The following IL19 variants were observed in gnomAD, a reference collection of about 807,000 sequenced individuals.
The protein encoded by IL19 is interleukin-19.
IL19 carries 15 observed loss-of-function variants against 19.5 expected under a neutral mutation model. The observed-to-expected ratio is 0.77, with a 90% CI of 0.52 to 1.19. The LOEUF is 1.19. Among genes scored for constraint, IL19 ranks in the 50% most tolerant of loss-of-function variants. IL19 has a pLI of 0.00. For missense variants in IL19, 199 were observed against 213.1 expected (o/e 0.93, Z 0.41); for synonymous variants, 78 against 78.3 (o/e 1.00, Z 0.02).
intron 2 of IL19, among the ~76,000 whole-genome samples, chr1:206,812,513 G>T (rs1459270096): frequency 6.6e-6 from 1 of 152,296 alleles, no homozygotes; most frequent in East Asian, 1.9e-4. Flanking sequence ...GCCACTCCAT[G>T]GGCCCAAAGA....
rs536786210 is a variant in IL19 at position 206,792,730 on chromosome 1, C to T, written c.-148-6131C>T. On this transcript the variant is annotated intron_variant, in intron 1 of 6. Transcript: ENST00000659997. ...TCAGCCTCCTAAAGTGCTGGGATTA[C>T]GGAAGTGAGCCACTATGCCTGGCTA... Among the ~76,000 whole-genome samples, 25 of 152,294 alleles carry T rather than the reference C, an allele frequency of 1.6e-4. No homozygotes were observed. The South Asian group carries it at 2.1e-3, about 13-fold the overall frequency.
At position 206,842,618 on chromosome 1, in the gene IL19, C is replaced by T. The variant is rs1260992687; in HGVS notation, c.530C>T (p.Ala177Val). Reference protein sequence around the residue: ...INKNHEVMFSA With the variant: ...INKNHEVMFSV ...AAGAATCATGAAGTAATGTTCTCAG[C>T]TTGATGACAAGGAACCTGTATAGTG... The change falls in exon 7 of 7, where the codon GCT (alanine) becomes GTT (valine). Residue 177 changes from alanine (A) to valine (V), a missense_variant. By Grantham distance (64) the Ala-to-Val change is moderately conservative (BLOSUM62 0). Transcript: ENST00000659997. 2.0e-6 allele frequency: 3 copies of T among 1,533,508 alleles called. No individual in the cohort carries two copies. Among genetic ancestry groups the T allele is most frequent in the Non-Finnish European group, 1.8e-6 (2 of 1,125,154 alleles). The allele number at this position is 1,533,508 out of a possible 1,614,324, so 95.0% of individuals were successfully genotyped here. A position where few individuals can be genotyped will look rare whatever the true frequency, so the allele number is the denominator to read the frequency against.
At chr1:206,781,954 TACA>T (rs1675151531) in intron 1 of IL19, among the ~76,000 whole-genome samples, 1 of 86,766 alleles carries the variant, frequency 1.2e-5, no homozygotes, top group Admixed American at 1.5e-4. Context: ...TAGTTATATA[TACA>T]TATATATGTA....
In IL19 at chr1:206,774,764, A is replaced by G. The variant is rs373611644; in HGVS notation, c.-149+3686A>G. ...ACTTAGCACCAAGTCTGGCCCTTGG[A>G]AGGTATCAGCTATACTTGGGATGGG... On this transcript the variant is annotated intron_variant, in intron 1 of 6. Transcript: ENST00000659997. Among the ~76,000 whole-genome samples the G allele has an allele frequency of 1.1e-4, 17 of 152,228 alleles. No individual in the cohort carries two copies. In the East Asian group the frequency reaches 2.5e-3, roughly 23 times the overall value.
At chr1:206,793,270 G>T (rs905098389) in intron 1 of IL19, among the ~76,000 whole-genome samples, 1 of 152,208 alleles carries the variant, frequency 6.6e-6, no homozygotes, top group South Asian at 2.1e-4. Context: ...GAGGACTTTG[G>T]GGGTAACAGT....
At chr1:206,779,317 G>A (rs113253352) in intron 1 of IL19, among the ~76,000 whole-genome samples, 11 of 152,144 alleles carry the variant, frequency 7.2e-5, no homozygotes, top group African/African-American at 2.4e-4. Flanking sequence ...TTACCCCCAC[G>A]TCCTCACCAC....
At chr1:206,798,140 T>C (rs1675570698) in intron 1 of IL19, among the ~76,000 whole-genome samples, 2 of 152,224 alleles carry the variant, frequency 1.3e-5, no homozygotes, top group African/African-American at 2.4e-5. Context: ...CTAGTTCCTC[T>C]TTTAATTTTT....
chr1:206,797,209 A>T (rs1675545956), intron 1 of IL19, among the ~76,000 whole-genome samples: 1 of 152,068 alleles, frequency 6.6e-6, no homozygotes, highest in Non-Finnish European at 1.5e-5. Flanking sequence ...TCATTGCCAA[A>T]CCTGTTCATT....
chr1:206,832,011 G>A (rs563853104), intron 2 of IL19, among the ~76,000 whole-genome samples: 8 of 152,360 alleles, frequency 5.3e-5, no homozygotes, highest in African/African-American at 1.9e-4. Flanking sequence ...GCTCTGAGCT[G>A]CTATTCTCAC....
chr1:206,788,431 A>G (rs914084025), intron 1 of IL19, among the ~76,000 whole-genome samples: 1 of 152,212 alleles, frequency 6.6e-6, no homozygotes, highest in Non-Finnish European at 1.5e-5. Flanking sequence ...TCTATTTTAT[A>G]GTAGCGCAAA....
chr1:206,777,276 T>G (rs11119515), intron 1 of IL19, among the ~76,000 whole-genome samples: 1,443 of 47,058 alleles, frequency 0.031, 365 homozygotes, highest in Non-Finnish European at 0.049. Flanking sequence ...GTGTGGTGGT[T>G]GGCGCCTGTA....
intron 2 of IL19, chr1:206,834,079 T>C: frequency 1.0e-6 from 1 of 985,582 alleles, no homozygotes; most frequent in Non-Finnish European, 1.2e-6. Context: ...TTTTTCTGCA[T>C]GGACATAGAA....
At chr1:206,839,696 A>G (rs978481524) in intron 4 of IL19, among the ~76,000 whole-genome samples, 154 bp from the exon 5 acceptor site, 1 of 152,162 alleles carries the variant, frequency 6.6e-6, no homozygotes, top group East Asian at 1.9e-4. Flanking sequence ...TTTGATGGGA[A>G]TAAGAGAGGA....
At chr1:206,776,582 G>A (rs951112222) in intron 1 of IL19, among the ~76,000 whole-genome samples, 7 of 152,030 alleles carry the variant, frequency 4.6e-5, no homozygotes, top group Admixed American at 1.3e-4. Context: ...TGAGAGCGGG[G>A]ACTGAGAGAC....
At chr1:206,797,641 A>G (rs1415767460) in intron 1 of IL19, among the ~76,000 whole-genome samples, 1 of 152,154 alleles carries the variant, frequency 6.6e-6, no homozygotes, top group Non-Finnish European at 1.5e-5. Flanking sequence ...TTTTTTCTCA[A>G]GGACATTTCC....
intron 1 of IL19, among the ~76,000 whole-genome samples, chr1:206,792,632 T>G (rs943871096): frequency 1.3e-5 from 2 of 152,104 alleles, no homozygotes; most frequent in African/African-American, 2.4e-5. Context: ...AATTTTTGTA[T>G]TTTTAGTAGA....
chr1:206,842,687 GC>G lies in IL19; in HGVS notation c.*68del. ...CCTGTGCGGTTTACTGTGGGAGACA[GC>G]CCACCTTGAAGGGGAAGGAGATGGG... On this transcript the variant is annotated 3_prime_UTR_variant, in exon 7 of 7. Coordinates refer to ENST00000659997, the MANE Select transcript of IL19 (RefSeq NM_153758.5). The G allele has an allele frequency of 2.0e-6, 2 of 979,566 alleles. No homozygotes were observed. Among genetic ancestry groups the G allele is most frequent in the Non-Finnish European group, 1.6e-6 (1 of 639,016 alleles). The allele number at this position is 979,566 out of a possible 1,614,324, so 60.7% of individuals were successfully genotyped here.
At chr1:206,810,093 G>T (rs535480002) in intron 2 of IL19, among the ~76,000 whole-genome samples, 1 of 152,204 alleles carries the variant, frequency 6.6e-6, no homozygotes, top group South Asian at 2.1e-4. Flanking sequence ...ACTCAGAATA[G>T]TTTATACACT....
At chr1:206,772,977 A>G (rs1674896957) in intron 1 of IL19, among the ~76,000 whole-genome samples, 1 of 152,204 alleles carries the variant, frequency 6.6e-6, no homozygotes, top group Non-Finnish European at 1.5e-5. Context: ...AGTTTCCCCA[A>G]GTAAAAATGA....
Sources: allele counts gnomAD v4.1 joint callset (sites outside exome capture counted in the v4.1 genomes callset), GRCh38; gene constraint gnomAD v4.1.1; transcripts MANE v1.5; gene names NCBI Gene and HGNC (gene_info 2026-07-23, HGNC 2026-07-21).